The following STRN3 variants were observed in gnomAD, a reference collection of about 807,000 sequenced individuals.
STRN3 encodes the protein striatin-3.
In STRN3, 29 loss-of-function variants were observed where a neutral mutation model predicts 95.6. The ratio of observed to expected loss-of-function variants is 0.30; its 90% CI spans 0.23 to 0.41. The LOEUF (loss-of-function observed/expected upper bound fraction) is 0.41, where lower values mean the gene tolerates loss of function less well. Ranked by LOEUF, STRN3 falls within the 10% of genes least tolerant of loss-of-function variation. The pLI is 1.00. For missense variants in STRN3, 890 were observed against 972.1 expected (o/e 0.92, Z 1.12); for synonymous variants, 331 against 357.6 (o/e 0.93, Z 0.84).
chr14:30,920,096 G>A (rs1896842972), intron 8 of STRN3, among the ~76,000 whole-genome samples: 1 of 152,086 alleles, frequency 6.6e-6, no homozygotes, highest in African/African-American at 2.4e-5. Context: ...TAAGTTCACT[G>A]TGGCTATTTG....
intron 15 of STRN3, 41 bp downstream of exon 15, chr14:30,905,377 A>C: frequency 1.3e-6 from 2 of 1,549,460 alleles, no homozygotes; most frequent in Non-Finnish European, 1.7e-6. Context: ...ATTGTGTAAT[A>C]ACCCTTTTTA....
intron 1 of STRN3, among the ~76,000 whole-genome samples, chr14:31,012,038 C>T (rs1882994244): frequency 1.3e-5 from 2 of 151,668 alleles, no homozygotes; most frequent in African/African-American, 4.8e-5. Context: ...GCCGAGATCG[C>T]GCAACTGCGC....
At chr14:30,931,692 T>C (rs1019732359) in intron 7 of STRN3, among the ~76,000 whole-genome samples, 8 of 152,044 alleles carry the variant, frequency 5.3e-5, no homozygotes, top group Non-Finnish European at 7.4e-5. Flanking sequence ...AAAAGCAAAA[T>C]AGAAATGCCA....
intron 1 of STRN3, among the ~76,000 whole-genome samples, chr14:31,011,697 G>A (rs1594581275): frequency 2.6e-5 from 4 of 152,102 alleles, no homozygotes; most frequent in Admixed American, 2.6e-4. Context: ...GAAATGACCA[G>A]GGAGCAGTTA....
chr14:30,916,846 A>C (rs553621602), intron 9 of STRN3, among the ~76,000 whole-genome samples: 82 of 152,290 alleles, frequency 5.4e-4, no homozygotes, highest in African/African-American at 1.8e-3. Flanking sequence ...TTTTGTAACT[A>C]ATCTTCCTTT....
intron 5 of STRN3, among the ~76,000 whole-genome samples, chr14:30,942,184 T>C (rs1305458381): frequency 6.6e-6 from 1 of 152,210 alleles, no homozygotes; most frequent in Non-Finnish European, 1.5e-5. Flanking sequence ...ACAGACAGTA[T>C]ACTCTCTCAT....
intron 7 of STRN3, among the ~76,000 whole-genome samples, chr14:30,931,060 G>C (rs75339257): frequency 3.9e-5 from 6 of 151,980 alleles, no homozygotes; most frequent in Non-Finnish European, 5.9e-5. Context: ...TCTAACTATA[G>C]TTGACAAAGA....
At chr14:30,940,303 T>C (rs1333030463) in intron 5 of STRN3, among the ~76,000 whole-genome samples, 1 of 152,170 alleles carries the variant, frequency 6.6e-6, no homozygotes, top group African/African-American at 2.4e-5. Flanking sequence ...TCTTCCTTCT[T>C]GACTTAGTCT....
chr14:30,972,214 A>C (rs916361754), intron 1 of STRN3, among the ~76,000 whole-genome samples: 1 of 151,972 alleles, frequency 6.6e-6, no homozygotes, highest in Non-Finnish European at 1.5e-5. Flanking sequence ...ACCTGCTCCA[A>C]TCTACGTTCC....
intron 16 of STRN3, among the ~76,000 whole-genome samples, chr14:30,898,177 T>C (rs1032532546): frequency 6.6e-6 from 1 of 152,024 alleles, no homozygotes; most frequent in Non-Finnish European, 1.5e-5. Context: ...GAATCCCGTA[T>C]TGTTGCCTAG....
intron 1 of STRN3, among the ~76,000 whole-genome samples, chr14:31,021,209 G>A (rs1192807889): frequency 1.3e-5 from 2 of 152,004 alleles, no homozygotes; most frequent in African/African-American, 4.8e-5. Context: ...TGAATTTGAG[G>A]TAGAAAAACT....
In STRN3 at chr14:30,905,511, G is replaced by C. The variant is rs1276421312; in HGVS notation, c.1936C>G (p.His646Asp). ...SVDFIGCDPA[H>D]MVTSFNTGSA... is the part of the protein sequence containing the mutation. ...CCAGTGTTGAAAGAGGTTACCATAT[G>C]AGCTGGATCACAGCCTATAAAGTCA... The change falls in exon 15 of 18, where the codon CAT becomes GAT. Residue 646 changes from histidine to aspartate, a missense_variant. Coordinates refer to ENST00000357479, the MANE Select transcript of STRN3 (RefSeq NM_001083893.2). The C allele has an allele frequency of 6.2e-7, 1 of 1,608,698 alleles. No individual in the cohort carries two copies. The highest frequency in any genetic ancestry group is 2.2e-5 in the East Asian group (1 of 44,646).
chr14:30,956,220 C>T lies in STRN3; in HGVS notation c.305G>A (p.Gly102Asp). Residue 102 changes from glycine to aspartate, a missense_variant, in exon 2 of 18, where the codon GGC (glycine) becomes GAC (aspartate). Around this residue, in one of 3 missense-constraint regions of STRN3, gnomAD observed 526 missense variants for 526.3 expected, o/e 1.00. Transcript: ENST00000357479. Reference sequence around the variant, plus strand: ...CAGGTTCTCTTGACCTTTTCTTTCGCCTTGTAGAAATGCAATCCGGGCCTA... The same window carrying T: ...CAGGTTCTCTTGACCTTTTCTTTCGTCTTGTAGAAATGCAATCCGGGCCTA... ...ELQARIAFLQGERKGQENLKK... is the reference protein window; with the variant it reads ...ELQARIAFLQDERKGQENLKK... 1 of 1,613,850 alleles carries T rather than the reference C, an allele frequency of 6.2e-7. No individual in the cohort carries two copies. Among genetic ancestry groups the T allele is most frequent in the Non-Finnish European group, 8.5e-7 (1 of 1,179,956 alleles).
chr14:30,958,086 G>A lies in STRN3; in HGVS notation c.283-1844C>T, dbSNP rs113363441. The stretch of plus-strand genomic sequence containing the variant: ...TTATCTACAACTTCTTAACACCTGA[G>A]AAGCTATAAACAGCTACAGAGTTCA... On this transcript the variant is annotated intron_variant, in intron 1 of 17. Transcript: ENST00000357479. Among the ~76,000 whole-genome samples, 7 of 152,278 alleles carry A rather than the reference G, an allele frequency of 4.6e-5. 1 individual carries two copies. In the South Asian group the frequency reaches 6.2e-4, roughly 14 times the overall value.
At chr14:31,012,372 T>C (rs1883008798) in intron 1 of STRN3, among the ~76,000 whole-genome samples, 1 of 152,204 alleles carries the variant, frequency 6.6e-6, no homozygotes, top group Admixed American at 6.6e-5. Flanking sequence ...TGAAATAAAG[T>C]GTCACACAAA....
chr14:30,960,534 C>T (rs1014884173), intron 1 of STRN3, among the ~76,000 whole-genome samples: 2 of 151,944 alleles, frequency 1.3e-5, no homozygotes, highest in African/African-American at 2.4e-5. Flanking sequence ...ATGGTTGCTT[C>T]AAAAATGGTG....
At chr14:31,001,338 T>G (rs896063269) in intron 1 of STRN3, among the ~76,000 whole-genome samples, 1 of 151,802 alleles carries the variant, frequency 6.6e-6, no homozygotes, top group Non-Finnish European at 1.5e-5. Context: ...GAGTTCAAAA[T>G]CAGCATGGGC....
intron 1 of STRN3, among the ~76,000 whole-genome samples, chr14:30,966,481 G>A (rs1317029666): frequency 6.6e-6 from 1 of 152,110 alleles, no homozygotes; most frequent in Non-Finnish European, 1.5e-5. Context: ...CCCTATTGTG[G>A]CAGCCTCAGG....
intron 5 of STRN3, among the ~76,000 whole-genome samples, chr14:30,943,758 C>T (rs1359694788): frequency 1.1e-4 from 17 of 152,050 alleles, no homozygotes; most frequent in Non-Finnish European, 1.9e-4. Flanking sequence ...GAAGACATTA[C>T]GCTAAGTAAA....
Sources: allele counts gnomAD v4.1 joint callset (sites outside exome capture counted in the v4.1 genomes callset), GRCh38; gene constraint gnomAD v4.1.1; regional missense constraint gnomAD v4.1.1; transcripts MANE v1.5; gene names NCBI Gene and HGNC (gene_info 2026-07-23, HGNC 2026-07-21).